The following AGAP1 variants were observed in gnomAD, a reference collection of about 807,000 sequenced individuals.
AGAP1 encodes arf-GAP with GTPase, ANK repeat and PH domain-containing protein 1.
AGAP1 carries 29 observed loss-of-function variants against 105.3 expected under a neutral mutation model. The ratio of observed to expected loss-of-function variants is 0.28; its 90% CI spans 0.21 to 0.38. AGAP1 has a LOEUF of 0.38. Among genes scored for constraint, AGAP1 ranks in the 10% least tolerant of loss-of-function variants. The pLI is 1.00. For synonymous variants in AGAP1, 509 were observed against 485.9 expected (o/e 1.05, Z -0.63); for missense variants, 998 against 1,165.1 (o/e 0.86, Z 2.09).
chr2:235,807,048 A>G (rs1476275279), intron 8 of AGAP1, among the ~76,000 whole-genome samples, 191 bp from the exon 9 acceptor site: 1 of 152,238 alleles, frequency 6.6e-6, no homozygotes, highest in African/African-American at 2.4e-5. Flanking sequence ...AGTTTAGATG[A>G]TTCTCTTTAA....
chr2:235,666,203 T>C (rs1488777363), intron 1 of AGAP1, among the ~76,000 whole-genome samples: 1 of 150,466 alleles, frequency 6.6e-6, no homozygotes, highest in Non-Finnish European at 1.5e-5. Context: ...TGAAATCAAC[T>C]ACATGCTTTA....
At chr2:235,761,887 A>T (rs1262134740) in intron 6 of AGAP1, among the ~76,000 whole-genome samples, 1 of 152,050 alleles carries the variant, frequency 6.6e-6, no homozygotes, top group Admixed American at 6.5e-5. Context: ...AGGTGGGTGG[A>T]TCACCTGAGG....
In AGAP1 at chr2:235,965,799, G is replaced by A. The variant is rs1575911248; in HGVS notation, c.1484-2663G>A. On this transcript the variant is annotated intron_variant, in intron 12 of 17. Coordinates refer to ENST00000304032, the MANE Select transcript of AGAP1 (RefSeq NM_001037131.3). This position sits in a 1 kb window ranked among gnomAD's most constrained non-coding sequence, Gnocchi z 5.8. Reference sequence around the variant, plus strand: ...GGAATAATGGGGTTTAGGAAAGTGGGCATGAAAGATCTTGGGACCTCTGAG... The same window carrying A: ...GGAATAATGGGGTTTAGGAAAGTGGACATGAAAGATCTTGGGACCTCTGAG... Among the ~76,000 whole-genome samples, 2 of 152,184 alleles carry A rather than the reference G, an allele frequency of 1.3e-5. No homozygotes were observed. The highest frequency in any genetic ancestry group is 1.9e-4 in the East Asian group (1 of 5,184).
In AGAP1 at chr2:235,764,733, T is replaced by C. The variant is rs866972909; in HGVS notation, c.673+14245T>C. On this transcript the variant is annotated intron_variant, in intron 6 of 17. Coordinates refer to ENST00000304032, the MANE Select transcript of AGAP1 (RefSeq NM_001037131.3). ...TGGGAGCGCCCGTGGGGTGGGGGCA[T>C]CTGGGAGCGCCCGTGGGGTGGGGGC... Among the ~76,000 whole-genome samples the C allele has an allele frequency of 5.3e-3, 440 of 83,122 alleles. 30 individuals are homozygous for C. The highest frequency in any genetic ancestry group is 0.021 in the African/African-American group (419 of 20,302). The allele number at this position is 83,122 out of a possible 152,430, so 54.5% of individuals were successfully genotyped here.
chr2:235,830,962 T>C lies in AGAP1; in HGVS notation c.1050+23631T>C, dbSNP rs996525435. 6.6e-6 allele frequency among the ~76,000 whole-genome samples: 1 copy of C among 152,096 alleles called. No homozygotes were observed. Among genetic ancestry groups the C allele is most frequent in the African/African-American group, 2.4e-5 (1 of 41,412 alleles). On this transcript the variant is annotated intron_variant, in intron 9 of 17. Coordinates refer to ENST00000304032, the MANE Select transcript of AGAP1 (RefSeq NM_001037131.3). This position sits in a 1 kb window ranked among gnomAD's most constrained non-coding sequence, Gnocchi z 5.5. ...GAGAATGCTGATGGGTGCCGCCTCC[T>C]CACCTGTGTGTCGCAGGTGTAGGCG...
At chr2:235,501,238 T>A (rs1941549410) in intron 1 of AGAP1, among the ~76,000 whole-genome samples, 2 of 152,218 alleles carry the variant, frequency 1.3e-5, no homozygotes, top group Non-Finnish European at 2.9e-5. Context: ...GCCAAGAGAA[T>A]CTGGTTAGGA....
At chr2:235,890,480 G>A (rs2050485023) in intron 10 of AGAP1, among the ~76,000 whole-genome samples, 1 of 152,156 alleles carries the variant, frequency 6.6e-6, no homozygotes, top group Non-Finnish European at 1.5e-5. Context: ...CAGTGGTGGG[G>A]CAGGATAACA....
chr2:235,541,376 C>CTTTTTTTTTTTTTT (rs556785424), intron 1 of AGAP1, among the ~76,000 whole-genome samples: 2 of 91,108 alleles, frequency 2.2e-5, no homozygotes, highest in African/African-American at 4.2e-5. Context: ...CATTCTTATT[C>CTTTTTTTTTTTTTT]TTTTTTTTTT....
chr2:235,945,917 G>T (rs1486073407), intron 12 of AGAP1, among the ~76,000 whole-genome samples: 1 of 126,330 alleles, frequency 7.9e-6, no homozygotes, highest in Non-Finnish European at 1.7e-5. Flanking sequence ...GATATGGGGG[G>T]ACTTGCCGCA....
Position 235,813,148 on chromosome 2 carries a change from T to C in AGAP1, c.1050+5817T>C, listed in dbSNP as rs541964990. Among the ~76,000 whole-genome samples, 92 of 152,300 alleles carry C rather than the reference T, an allele frequency of 6.0e-4. 1 individual carries two copies. Among genetic ancestry groups the C allele is most frequent in the Admixed American group, 2.7e-3 (41 of 15,306 alleles). ...CACGTGAAATGACAGTCATCCGTCTTTGAGTATATCGGGCACACCCTCCCC... is the reference window on the plus strand; with the variant it reads ...CACGTGAAATGACAGTCATCCGTCTCTGAGTATATCGGGCACACCCTCCCC... On this transcript the variant is annotated intron_variant, in intron 9 of 17. Transcript: ENST00000304032.
chr2:235,724,338 C>A lies in AGAP1; in HGVS notation c.310+6694C>A, dbSNP rs574545019. 6.6e-6 allele frequency among the ~76,000 whole-genome samples: 1 copy of A among 152,246 alleles called. No individual in the cohort carries two copies. On this transcript the variant is annotated intron_variant, in intron 3 of 17. Coordinates refer to ENST00000304032, the MANE Select transcript of AGAP1 (RefSeq NM_001037131.3). The surrounding 1 kb of genome is among the most constrained non-coding windows in gnomAD (Gnocchi z 4.9). The stretch of plus-strand genomic sequence containing the variant: ...GCGACCCTCCAGCCCCATGTCCAGG[C>A]TCTCCCATCTTCCCAGCTCGGGCCA...
Position 235,964,313 on chromosome 2 carries a change from C to G in AGAP1, c.1484-4149C>G, listed in dbSNP as rs910639967. ...TTACTTAATAGCGGCCCCTGGCAGC[C>G]GAGGAGAGTTGCGTTTGCCTGTTCT... is the stretch of plus-strand genomic sequence containing the variant. On this transcript the variant is annotated intron_variant, in intron 12 of 17. Coordinates refer to ENST00000304032, the MANE Select transcript of AGAP1 (RefSeq NM_001037131.3). The surrounding 1 kb of genome is among the most constrained non-coding windows in gnomAD (Gnocchi z 4.6). Among the ~76,000 whole-genome samples, 1 of 152,026 alleles carries G rather than the reference C, an allele frequency of 6.6e-6. No individual in the cohort carries two copies. Among genetic ancestry groups the G allele is most frequent in the Admixed American group, 6.6e-5 (1 of 15,262 alleles).
chr2:235,890,513 G>T (rs1034803536), intron 10 of AGAP1, among the ~76,000 whole-genome samples: 1 of 152,162 alleles, frequency 6.6e-6, no homozygotes, highest in Non-Finnish European at 1.5e-5. Flanking sequence ...GAGTGGGGAG[G>T]GGTGAATGAA....
intron 1 of AGAP1, among the ~76,000 whole-genome samples, chr2:235,570,214 G>C (rs1412533839): frequency 6.6e-6 from 1 of 152,174 alleles, no homozygotes; most frequent in Non-Finnish European, 1.5e-5. Flanking sequence ...GCAGTGATCG[G>C]TGCTTCTGCC....
chr2:235,497,038 A>C (rs1425381938), intron 1 of AGAP1, among the ~76,000 whole-genome samples: 6 of 152,234 alleles, frequency 3.9e-5, no homozygotes, highest in Admixed American at 2.0e-4. Context: ...TTCTGTTATC[A>C]ATAATGATAC....
intron 12 of AGAP1, among the ~76,000 whole-genome samples, chr2:235,949,684 T>C (rs1172067538): frequency 6.6e-6 from 1 of 152,190 alleles, no homozygotes; most frequent in Non-Finnish European, 1.5e-5. Flanking sequence ...TCAGTTAAAA[T>C]CTTTCCATTT....
At position 236,101,332 on chromosome 2, in the gene AGAP1, A is replaced by T. The variant is rs1462052378; in HGVS notation, c.2115-18860A>T. Among the ~76,000 whole-genome samples the T allele has an allele frequency of 6.6e-6, 1 of 152,176 alleles. No homozygotes were observed. Among genetic ancestry groups the T allele is most frequent in the Non-Finnish European group, 1.5e-5 (1 of 68,042 alleles). On this transcript the variant is annotated intron_variant, in intron 16 of 17. Transcript: ENST00000304032. This position sits in a 1 kb window ranked among gnomAD's most constrained non-coding sequence, Gnocchi z 4.9. ...AAACAATAATATTACCACAGGCCGC[A>T]GTTCTTAAAGCCACTTGGCAGTTTT...
At chr2:235,851,492 A>G (rs570950148) in intron 9 of AGAP1, among the ~76,000 whole-genome samples, 4 of 152,296 alleles carry the variant, frequency 2.6e-5, no homozygotes, top group African/African-American at 7.2e-5. Flanking sequence ...CCCTCGTTTC[A>G]GAGAATTTTT....
intron 13 of AGAP1, among the ~76,000 whole-genome samples, chr2:236,032,140 T>C (rs1451181720): frequency 1.3e-5 from 2 of 152,218 alleles, no homozygotes; most frequent in Non-Finnish European, 2.9e-5. Context: ...AAACCCTAGT[T>C]TATCTGCTAT....
Sources: gnomAD v4.1 joint callset for allele counts (sites outside exome capture counted in the v4.1 genomes callset) on GRCh38, gnomAD v4.1.1 for gene constraint, Gnocchi (gnomAD v3.1) non-coding constraint, MANE v1.5 for transcripts, NCBI Gene and HGNC (gene_info 2026-07-23, HGNC 2026-07-21) for gene names.